The following SLC25A52 variants were observed in gnomAD, a reference collection of about 807,000 sequenced individuals.
The protein encoded by SLC25A52 is solute carrier family 25 member 52.
SLC25A52 carries 12 observed loss-of-function variants against 17.7 expected under a neutral mutation model. That is an observed-to-expected ratio of 0.68 (90% CI 0.43 to 1.10). The LOEUF is 1.10. SLC25A52 is among the 50% of genes least tolerant of loss of function. The probability of loss-of-function intolerance (pLI) is 0.00; values close to 1 mark genes in which losing one functional copy is unlikely to be tolerated. For synonymous variants in SLC25A52, 108 were observed against 135.1 expected (o/e 0.80, Z 1.39); for missense variants, 298 against 364.9 (o/e 0.82, Z 1.49).
In SLC25A52 at chr18:31,760,753, T is replaced by C. The variant is rs1242639943; in HGVS notation, c.-92A>G. ...GCAGGATGATAGCTTTGTGATAATG[T>C]TCCCAATTTCTTCCATTGTTATTGT... is the stretch of plus-strand genomic sequence containing the variant. On this transcript the variant is annotated 5_prime_UTR_variant, in exon 1 of 1. Transcript: ENST00000269205. The C allele has an allele frequency of 2.8e-6, 4 of 1,448,302 alleles. No individual in the cohort carries two copies. The African/African-American group carries it at 4.3e-5, about 15-fold the overall frequency. 89.7% of individuals were successfully genotyped at this position (1,448,302 alleles called of 1,614,324 possible). A position where few individuals can be genotyped will look rare whatever the true frequency, so the allele number is the denominator to read the frequency against.
Position 31,759,744 on chromosome 18 carries a change from T to C in SLC25A52, c.*24A>G, listed in dbSNP as rs1178058907. The C allele has an allele frequency of 2.5e-6, 4 of 1,582,608 alleles. No homozygotes were observed. The Admixed American group carries it at 5.6e-5, about 22-fold the overall frequency. Reference sequence around the variant, plus strand: ...TTAGAAGGTCTATTCAGTTGATAAATGGCACTTAACTGATGGTTTTTTTTC... The same window carrying C: ...TTAGAAGGTCTATTCAGTTGATAAACGGCACTTAACTGATGGTTTTTTTTC... On this transcript the variant is annotated 3_prime_UTR_variant, in exon 1 of 1. Coordinates refer to ENST00000269205, the MANE Select transcript of SLC25A52 (RefSeq NM_001034172.4).
rs753517197 is a variant in SLC25A52, at chr18:31,760,047, C to T, written c.615G>A (p.Thr205=). 1.9e-6 allele frequency: 3 copies of T among 1,611,978 alleles called. No individual in the cohort carries two copies. Among genetic ancestry groups the T allele is most frequent in the South Asian group, 1.1e-5 (1 of 90,968 alleles). ...CATTGACCAAATGAGCACTGTGAGTCGTTGCGGTAGGCAGATGCTCCTTAA... is the reference window on the plus strand; with the variant it reads ...CATTGACCAAATGAGCACTGTGAGTTGTTGCGGTAGGCAGATGCTCCTTAA... ...GPIKEHLPTA[T]THSAHLVNDF... is the part of the protein sequence containing the mutation. Residue 205 remains threonine, a synonymous_variant, in exon 1 of 1, where the codon ACG becomes ACA. Coordinates refer to ENST00000269205, the MANE Select transcript of SLC25A52 (RefSeq NM_001034172.4).
rs760117905 is a variant in SLC25A52 at position 31,760,566 on chromosome 18, C to T, written c.96G>A (p.Lys32=). 4.3e-6 allele frequency: 7 copies of T among 1,614,162 alleles called. No individual in the cohort carries two copies. In the Admixed American group the frequency reaches 1.2e-4, roughly 27 times the overall value. Residue 32 remains lysine (K), a synonymous_variant, in exon 1 of 1, where the codon AAG becomes AAA. Coordinates refer to ENST00000269205, the MANE Select transcript of SLC25A52 (RefSeq NM_001034172.4). ...CTGCACAGCAGCCACACAAGTAATG[C>T]TTCATTTCACCAACATTTGTAATAT... ...SPHITNVGEM[K]HYLCGCCAAF... is the part of the protein sequence containing the mutation.
At position 31,759,998 on chromosome 18, in the gene SLC25A52, C is replaced by T. The variant is rs552224821; in HGVS notation, c.664G>A (p.Gly222Ser). The change falls in exon 1 of 1, where the codon GGT becomes AGT. Residue 222 changes from glycine to serine, a missense_variant. Transcript: ENST00000269205. ...VNDFIGGGLL[G>S]AMLGFLCFPI... ...AAACACAAGAATCCCAACATGGCAC[C>T]CAATAGACCTCCACCGATAAAATCA... is the stretch of plus-strand genomic sequence containing the variant. 3 of 1,611,868 alleles carry T rather than the reference C, an allele frequency of 1.9e-6. No homozygotes were observed. Among genetic ancestry groups the T allele is most frequent in the East Asian group, 2.2e-5 (1 of 44,876 alleles).
rs755108434 is a variant in SLC25A52, at chr18:31,759,763, T to G, written c.*5A>C. On this transcript the variant is annotated 3_prime_UTR_variant, in exon 1 of 1. Coordinates refer to ENST00000269205, the MANE Select transcript of SLC25A52 (RefSeq NM_001034172.4). ...GATAAATGGCACTTAACTGATGGTT[T>G]TTTTTCATATAAATTTTAACAAGAA... The G allele has an allele frequency of 1.3e-6, 2 of 1,599,498 alleles. No individual in the cohort carries two copies. Among genetic ancestry groups the G allele is most frequent in the Admixed American group, 3.5e-5 (2 of 56,676 alleles).
rs368489383 is a variant in SLC25A52 at position 31,759,844 on chromosome 18, T to A, written c.818A>T (p.His273Leu). ...GATGAGGGACCGATGGTAATTCAGATGGGCACCTCTGAAAAGATTTATCAG... is the reference window on the plus strand; with the variant it reads ...GATGAGGGACCGATGGTAATTCAGAAGGGCACCTCTGAAAAGATTTATCAG... ...RKLINLFRGA[H>L]LNYHRSLISW... Residue 273 changes from histidine (H) to leucine (L), a missense_variant, in exon 1 of 1, where the codon CAT (histidine) becomes CTT (leucine). Transcript: ENST00000269205. 3 of 1,610,592 alleles carry A rather than the reference T, an allele frequency of 1.9e-6. No individual in the cohort carries two copies. The South Asian group carries it at 3.3e-5, about 18-fold the overall frequency.
In SLC25A52 at chr18:31,760,529, C is replaced by T. The variant is rs1328863154; in HGVS notation, c.133G>A (p.Val45Ile). The T allele has an allele frequency of 2.5e-6, 4 of 1,614,084 alleles. No homozygotes were observed. The highest frequency in any genetic ancestry group is 1.3e-5 in the African/African-American group (1 of 74,946). ...TTCTGAATGGGATATGTGATTGCGA[C>T]GTTGTTGAAGGCTGCACAGCAGCCA... The part of the protein sequence containing the change: ...LCGCCAAFNN[V>I]AITYPIQKVL... The change falls in exon 1 of 1, where the codon GTC (valine) becomes ATC (isoleucine). Residue 45 changes from valine (V) to isoleucine (I), a missense_variant. Physicochemically the swap from Val to Ile is conservative, Grantham distance 29 (BLOSUM62 3). Transcript: ENST00000269205.
In SLC25A52 at chr18:31,760,269, T is replaced by C. The variant is rs2144838089; in HGVS notation, c.393A>G (p.Ala131=). 1 of 1,614,030 alleles carries C rather than the reference T, an allele frequency of 6.2e-7. No individual in the cohort carries two copies. ...HGVAAVLAGT[A]EAIFTPLERV... ...TTTCCAGTGGAGTGAAAATTGCTTC[T>C]GCTGTCCCTGCAAGCACTGCCGCCA... is the stretch of plus-strand genomic sequence containing the variant. The change falls in exon 1 of 1, where the codon GCA becomes GCG. Residue 131 remains alanine (A), a synonymous_variant. Coordinates refer to ENST00000269205, the MANE Select transcript of SLC25A52 (RefSeq NM_001034172.4).
Position 31,760,862 on chromosome 18 carries a change from C to T in SLC25A52, c.-201G>A, listed in dbSNP as rs1047952575. ...GTCCATTTCCCCAACCCATCGCCGC[C>T]GGCGCCCCGCAGGACTGCGAGCAAG... On this transcript the variant is annotated 5_prime_UTR_variant, in exon 1 of 1. Transcript: ENST00000269205. 3.7e-6 allele frequency: 3 copies of T among 819,778 alleles called. No individual in the cohort carries two copies. Among genetic ancestry groups the T allele is most frequent in the African/African-American group, 3.5e-5 (2 of 57,458 alleles). The allele number at this position is 819,778 out of a possible 1,614,324, so 50.8% of individuals were successfully genotyped here. A position where few individuals can be genotyped will look rare whatever the true frequency, so the allele number is the denominator to read the frequency against.
At position 31,760,569 on chromosome 18, in the gene SLC25A52, C is replaced by G. The variant is rs765865048; in HGVS notation, c.93G>C (p.Met31Ile). The G allele has an allele frequency of 3.7e-6, 6 of 1,614,170 alleles. No homozygotes were observed. The South Asian group carries it at 6.6e-5, about 18-fold the overall frequency. Reference sequence around the variant, plus strand: ...CACAGCAGCCACACAAGTAATGCTTCATTTCACCAACATTTGTAATATGAG... The same window carrying G: ...CACAGCAGCCACACAAGTAATGCTTGATTTCACCAACATTTGTAATATGAG... ...ISPHITNVGE[M>I]KHYLCGCCAA... Residue 31 changes from methionine to isoleucine, a missense_variant, in exon 1 of 1, where the codon ATG becomes ATC. Coordinates refer to ENST00000269205, the MANE Select transcript of SLC25A52 (RefSeq NM_001034172.4).
chr18:31,760,811 G>C lies in SLC25A52; in HGVS notation c.-150C>G. The C allele has an allele frequency of 8.8e-7, 1 of 1,133,546 alleles. No homozygotes were observed. The highest frequency in any genetic ancestry group is 1.6e-5 in the South Asian group (1 of 61,180). The allele number at this position is 1,133,546 out of a possible 1,614,324, so 70.2% of individuals were successfully genotyped here. ...GGTTCTCTCTTCCCGAGTCCATTTT[G>C]ATAACTGGATTTCCGTTCTCCAGGC... On this transcript the variant is annotated 5_prime_UTR_variant, in exon 1 of 1. The change creates a new upstream start codon in the 5' untranslated region. Coordinates refer to ENST00000269205, the MANE Select transcript of SLC25A52 (RefSeq NM_001034172.4).
In SLC25A52 at chr18:31,759,642, C is replaced by A. The variant is rs1217945323; in HGVS notation, c.*126G>T. 16 of 1,115,520 alleles carry A rather than the reference C, an allele frequency of 1.4e-5. No individual in the cohort carries two copies. The highest frequency in any genetic ancestry group is 2.3e-4 in the Middle Eastern group (1 of 4,336). The allele number at this position is 1,115,520 out of a possible 1,614,324, so 69.1% of individuals were successfully genotyped here. On this transcript the variant is annotated 3_prime_UTR_variant, in exon 1 of 1. Coordinates refer to ENST00000269205, the MANE Select transcript of SLC25A52 (RefSeq NM_001034172.4). ...GATGCTTAAGGAAAACAGCTTTGCCCGTAACTCACTGTGGCCTGGAGTTAT... is the reference window on the plus strand; with the variant it reads ...GATGCTTAAGGAAAACAGCTTTGCCAGTAACTCACTGTGGCCTGGAGTTAT...
Position 31,760,820 on chromosome 18 carries a change from A to T in SLC25A52, c.-159T>A. 4 of 1,084,634 alleles carry T rather than the reference A, an allele frequency of 3.7e-6. No individual in the cohort carries two copies. Among genetic ancestry groups the T allele is most frequent in the Non-Finnish European group, 5.2e-6 (4 of 764,726 alleles). 67.2% of individuals were successfully genotyped at this position (1,084,634 alleles called of 1,614,324 possible). A position where few individuals can be genotyped will look rare whatever the true frequency, so the allele number is the denominator to read the frequency against. ...TTCCCGAGTCCATTTTGATAACTGG[A>T]TTTCCGTTCTCCAGGCGTCCATTTC... is the stretch of plus-strand genomic sequence containing the variant. On this transcript the variant is annotated 5_prime_UTR_variant, in exon 1 of 1. Transcript: ENST00000269205.
chr18:31,759,854 T>G lies in SLC25A52; in HGVS notation c.808A>C (p.Arg270=). The change falls in exon 1 of 1, where the codon AGA becomes CGA. Residue 270 remains arginine, a synonymous_variant. Coordinates refer to ENST00000269205, the MANE Select transcript of SLC25A52 (RefSeq NM_001034172.4). ...CGATGGTAATTCAGATGGGCACCTC[T>G]GAAAAGATTTATCAGTTTTCTGTCC... The part of the protein sequence containing the change: ...ERDRKLINLF[R]GAHLNYHRSL... The G allele has an allele frequency of 6.2e-7, 1 of 1,611,778 alleles. No individual in the cohort carries two copies. Among genetic ancestry groups the G allele is most frequent in the Non-Finnish European group, 8.5e-7 (1 of 1,178,550 alleles).
Position 31,759,758 on chromosome 18 carries a change from T to C in SLC25A52, c.*10A>G, listed in dbSNP as rs2144837296. On this transcript the variant is annotated 3_prime_UTR_variant, in exon 1 of 1. Transcript: ENST00000269205. The stretch of plus-strand genomic sequence containing the variant: ...CAGTTGATAAATGGCACTTAACTGA[T>C]GGTTTTTTTTCATATAAATTTTAAC... 1.9e-6 allele frequency: 3 copies of C among 1,596,890 alleles called. No individual in the cohort carries two copies. The highest frequency in any genetic ancestry group is 2.2e-5 in the East Asian group (1 of 44,748).
chr18:31,760,699 C>T lies in SLC25A52; in HGVS notation c.-38G>A, dbSNP rs2031499514. ...CTTTCTCATGAAGGGCATTTTTTAA[C>T]CTGTGACATCATCTGAGCCTGGAGT... On this transcript the variant is annotated 5_prime_UTR_variant, in exon 1 of 1. Transcript: ENST00000269205. 5 of 1,556,426 alleles carry T rather than the reference C, an allele frequency of 3.2e-6. No individual in the cohort carries two copies. The highest frequency in any genetic ancestry group is 4.3e-6 in the Non-Finnish European group (5 of 1,155,180).
Position 31,760,794 on chromosome 18 carries a change from C to T in SLC25A52, c.-133G>A, listed in dbSNP as rs1462310736. 2.4e-6 allele frequency: 3 copies of T among 1,232,658 alleles called. No individual in the cohort carries two copies. In the African/African-American group the frequency reaches 4.6e-5, roughly 19 times the overall value. 76.4% of individuals were successfully genotyped at this position (1,232,658 alleles called of 1,614,324 possible). On this transcript the variant is annotated 5_prime_UTR_variant, in exon 1 of 1. Coordinates refer to ENST00000269205, the MANE Select transcript of SLC25A52 (RefSeq NM_001034172.4). ...TTGTTATTGTTCTGTTAGGTTCTCT[C>T]TTCCCGAGTCCATTTTGATAACTGG...
Position 31,760,157 on chromosome 18 carries a change from T to C in SLC25A52, c.505A>G (p.Ile169Val). ...QAFKALKCHG[I>V]GEYYRGLVPI... ...ACCAAGCCTCGATAATACTCTCCAA[T>C]TCCATGACATTTCAGTGCCTTGAAA... Residue 169 changes from isoleucine (I) to valine (V), a missense_variant, in exon 1 of 1, where the codon ATT (isoleucine) becomes GTT (valine). Transcript: ENST00000269205. 6.2e-7 allele frequency: 1 copy of C among 1,613,786 alleles called. No individual in the cohort carries two copies. Among genetic ancestry groups the C allele is most frequent in the South Asian group, 1.1e-5 (1 of 91,070 alleles).
In SLC25A52 at chr18:31,759,995, C is replaced by T; in HGVS notation, c.667G>A (p.Ala223Thr). The change falls in exon 1 of 1, where the codon GCC (alanine) becomes ACC (threonine). Residue 223 changes from alanine (A) to threonine (T), a missense_variant. Physicochemically the swap from Ala to Thr is moderately conservative, Grantham distance 58. Transcript: ENST00000269205. ...GGAAAACACAAGAATCCCAACATGG[C>T]ACCCAATAGACCTCCACCGATAAAA... Reference protein sequence around the residue: ...NDFIGGGLLGAMLGFLCFPIN... With the variant: ...NDFIGGGLLGTMLGFLCFPIN... 6.2e-7 allele frequency: 1 copy of T among 1,611,912 alleles called. No homozygotes were observed. Among genetic ancestry groups the T allele is most frequent in the Non-Finnish European group, 8.5e-7 (1 of 1,179,798 alleles).
Sources: gnomAD v4.1 joint callset for allele counts on GRCh38, gnomAD v4.1.1 for gene constraint, MANE v1.5 for transcripts, NCBI Gene and HGNC (gene_info 2026-07-23, HGNC 2026-07-21) for gene names.